Variants in EPS8 observed in about 807,000 individuals in gnomAD.
EPS8 encodes the protein EGFR pathway substrate 8, signaling adaptor, also known as epidermal growth factor receptor kinase substrate 8.
A neutral mutation model predicts 103.8 loss-of-function variants in EPS8; 42 were observed. The ratio of observed to expected loss-of-function variants is 0.40; its 90% confidence interval spans 0.32 to 0.52. EPS8 has a LOEUF of 0.52. Among genes scored for constraint, EPS8 ranks in the 20% least tolerant of loss-of-function variants. EPS8 has a pLI of 0.40. For missense variants in EPS8, 969 were observed against 1,005.1 expected (o/e 0.96, Z 0.49); for synonymous variants, 344 against 344.6 (o/e 1.00, Z 0.02).
intron 17 of EPS8, among the ~76,000 whole-genome samples, chr12:15,635,069 C>T (rs1268375327): frequency 1.3e-5 from 2 of 152,012 alleles, no homozygotes; most frequent in African/African-American, 2.4e-5. Context: ...ATTCCTATTG[C>T]TCATAAAGAA....
rs1241292744 is a variant in EPS8, at chr12:15,751,748, A to G, written c.-22+37413T>C. Among the ~76,000 whole-genome samples, 1 of 151,732 alleles carries G rather than the reference A, an allele frequency of 6.6e-6. No individual in the cohort carries two copies. Among genetic ancestry groups the G allele is most frequent in the Non-Finnish European group, 1.5e-5 (1 of 67,926 alleles). On this transcript the variant is annotated intron_variant, in intron 1 of 20. Transcript: ENST00000281172. This position sits in a 1 kb window ranked among gnomAD's most constrained non-coding sequence, Gnocchi z 4.3. ...GCTCTCTCCTCCCTCCCTCCTCTAT[A>G]CTTTCCCTCCTCCTTAGTATCCTTC...
Position 15,749,420 on chromosome 12 carries a change from A to C in EPS8, c.-22+39741T>G, listed in dbSNP as rs921596295. ...AACATTATTTCTCAAATGCTAAGCA[A>C]AGGGCCTGCACATAATAGAGCTCAA... is the stretch of plus-strand genomic sequence containing the variant. On this transcript the variant is annotated intron_variant, in intron 1 of 20. Coordinates refer to ENST00000281172, the MANE Select transcript of EPS8 (RefSeq NM_004447.6). This position sits in a 1 kb window ranked among gnomAD's most constrained non-coding sequence, Gnocchi z 4.0. 4.6e-5 allele frequency among the ~76,000 whole-genome samples: 7 copies of C among 152,216 alleles called. No homozygotes were observed. Among genetic ancestry groups the C allele is most frequent in the Non-Finnish European group, 7.3e-5 (5 of 68,042 alleles).
intron 18 of EPS8, among the ~76,000 whole-genome samples, chr12:15,628,538 A>G (rs1406955033): frequency 6.6e-6 from 1 of 152,242 alleles, no homozygotes; most frequent in Non-Finnish European, 1.5e-5. Context: ...AAGCAACTAA[A>G]GTTTGGCATC....
intron 1 of EPS8, among the ~76,000 whole-genome samples, chr12:15,743,236 C>T (rs900149169): frequency 1.3e-5 from 2 of 152,152 alleles, no homozygotes; most frequent in African/African-American, 4.8e-5. Context: ...AGGAGAACTA[C>T]AAACCACTAC....
chr12:15,764,805 T>A lies in EPS8; in HGVS notation c.-22+24356A>T, dbSNP rs553512778. 6.6e-6 allele frequency among the ~76,000 whole-genome samples: 1 copy of A among 152,172 alleles called. No individual in the cohort carries two copies. Among genetic ancestry groups the A allele is most frequent in the Non-Finnish European group, 1.5e-5 (1 of 68,022 alleles). On this transcript the variant is annotated intron_variant, in intron 1 of 20. Transcript: ENST00000281172. The surrounding 1 kb of genome is among the most constrained non-coding windows in gnomAD (Gnocchi z 4.1). ...AAGCTCTCATCTTGAGATAAGAACATCAGGTCTCATACTTTCTGGGGAATG... is the reference window on the plus strand; with the variant it reads ...AAGCTCTCATCTTGAGATAAGAACAACAGGTCTCATACTTTCTGGGGAATG...
rs1357413353 is a variant in EPS8, at chr12:15,641,486, G to A, written c.1677+236C>T. 2.0e-5 allele frequency among the ~76,000 whole-genome samples: 3 copies of A among 151,652 alleles called. No individual in the cohort carries two copies. In the East Asian group the frequency reaches 5.8e-4, roughly 29 times the overall value. On this transcript the variant is annotated intron_variant, in intron 16 of 20. Coordinates refer to ENST00000281172, the MANE Select transcript of EPS8 (RefSeq NM_004447.6). Reference sequence around the variant, plus strand: ...GAAAGAGGGCAAGGAAGAGAGCAAAGGAAGTTAAAAAAAAACCCACCCTGC... The same window carrying A: ...GAAAGAGGGCAAGGAAGAGAGCAAAAGAAGTTAAAAAAAAACCCACCCTGC...
chr12:15,763,179 T>C lies in EPS8; in HGVS notation c.-22+25982A>G, dbSNP rs560189632. On this transcript the variant is annotated intron_variant, in intron 1 of 20. Transcript: ENST00000281172. ...TTTAAAATAGATAGGAGTTGCTTGT[T>C]GTTGTTTTTTTTCCTAAGACAGACT... 1.1e-4 allele frequency among the ~76,000 whole-genome samples: 17 copies of C among 152,290 alleles called. No individual in the cohort carries two copies. The East Asian group carries it at 2.9e-3, about 26-fold the overall frequency.
rs765017992 is a variant in EPS8 at position 15,651,020 on chromosome 12, T to G, written c.1251-14A>C. The G allele has an allele frequency of 3.7e-6, 6 of 1,606,408 alleles. No homozygotes were observed. The highest frequency in any genetic ancestry group is 5.1e-6 in the Non-Finnish European group (6 of 1,175,716). On this transcript the variant is annotated splice_polypyrimidine_tract_variant and intron_variant, in intron 13 of 20. Transcript: ENST00000281172. ...GGCCACTCTGCTCTGCAGGAGGGAA[T>G]GAAGGCATATAAACAATAAAATCTA... is the stretch of plus-strand genomic sequence containing the variant.
At chr12:15,756,842 A>G (rs77519208) in intron 1 of EPS8, among the ~76,000 whole-genome samples, 5 of 152,338 alleles carry the variant, frequency 3.3e-5, no homozygotes, top group Non-Finnish European at 5.9e-5. Context: ...AACGTCTAAC[A>G]TAAGAGTGCA....
At chr12:15,709,180 ACCTCTAACC>A (rs1344664746) in intron 1 of EPS8, among the ~76,000 whole-genome samples, 1 of 152,188 alleles carries the variant, frequency 6.6e-6, no homozygotes, top group East Asian at 1.9e-4. Context: ...AGACAAAACC[ACCTCTAACC>A]CATCATAGTA....
chr12:15,650,637 AAC>A (rs1945395733), intron 14 of EPS8, among the ~76,000 whole-genome samples, 184 bp downstream of exon 14: 1 of 152,130 alleles, frequency 6.6e-6, no homozygotes, highest in African/African-American at 2.4e-5. Context: ...TTCACGGAGG[AAC>A]AGAGCAACTG....
chr12:15,628,503 T>C (rs376272555), intron 18 of EPS8, among the ~76,000 whole-genome samples: 19 of 152,218 alleles, frequency 1.2e-4, no homozygotes, highest in African/African-American at 4.6e-4. Context: ...AGGACTACCA[T>C]TTCAAAGGAA....
intron 3 of EPS8, among the ~76,000 whole-genome samples, chr12:15,671,325 T>C (rs1246259190): frequency 1.3e-5 from 2 of 152,140 alleles, no homozygotes; most frequent in Non-Finnish European, 2.9e-5. Flanking sequence ...TTGTCATAGA[T>C]ACTGTATTAT....
intron 1 of EPS8, chr12:15,683,189 T>A: frequency 3.0e-6 from 1 of 338,106 alleles, no homozygotes; most frequent in East Asian, 5.4e-5. Context: ...GCTAAAATTA[T>A]AAGCAGATTT....
In EPS8 at chr12:15,712,836, A is replaced by G; in HGVS notation, c.-21-29864T>C. The G allele has an allele frequency of 1.0e-5, 10 of 983,714 alleles. No homozygotes were observed. The South Asian group carries it at 3.3e-4, about 32-fold the overall frequency. The allele number at this position is 983,714 out of a possible 1,614,324, so 60.9% of individuals were successfully genotyped here. On this transcript the variant is annotated intron_variant, in intron 1 of 20. Transcript: ENST00000281172. ...CTCCTTAGCAAAGAAAATATTAACAAATTCAAACTTACCTACCCACACAGT... is the reference window on the plus strand; with the variant it reads ...CTCCTTAGCAAAGAAAATATTAACAGATTCAAACTTACCTACCCACACAGT...
chr12:15,641,546 A>T (rs1591812142), intron 16 of EPS8, among the ~76,000 whole-genome samples, 176 bp downstream of exon 16: 1 of 152,084 alleles, frequency 6.6e-6, no homozygotes, highest in Non-Finnish European at 1.5e-5. Flanking sequence ...GGAGTATTCT[A>T]AAGCTATCCC....
Position 15,681,295 on chromosome 12 carries a change from C to T in EPS8, c.67G>A (p.Gly23Arg), listed in dbSNP as rs554172126. 36 of 1,383,652 alleles carry T rather than the reference C, an allele frequency of 2.6e-5. No homozygotes were observed. Among genetic ancestry groups the T allele is most frequent in the Middle Eastern group, 4.5e-4 (2 of 4,476 alleles). The allele number at this position is 1,383,652 out of a possible 1,614,324, so 85.7% of individuals were successfully genotyped here. ...GMYPSQMNGY[G>R]SSPTFSQTDR... ...GTCTGGGAAAAGGTAGGTGATGATC[C>T]GTAGCCACTGTAATAATAATAATAA... Residue 23 changes from glycine (G) to arginine (R), a missense_variant, in exon 3 of 21, where the codon GGA becomes AGA. Coordinates refer to ENST00000281172, the MANE Select transcript of EPS8 (RefSeq NM_004447.6).
rs1179430206 is a variant in EPS8 at position 15,714,820 on chromosome 12, A to T, written c.-21-31848T>A. Among the ~76,000 whole-genome samples the T allele has an allele frequency of 6.6e-6, 1 of 152,214 alleles. No homozygotes were observed. The highest frequency in any genetic ancestry group is 2.4e-5 in the African/African-American group (1 of 41,450). ...GCATCACTATAAATAGAATTTTTAA[A>T]ATGTATTTAGAAAAGCAATAGTCAA... is the stretch of plus-strand genomic sequence containing the variant. On this transcript the variant is annotated intron_variant, in intron 1 of 20. Transcript: ENST00000281172. The surrounding 1 kb of genome is among the most constrained non-coding windows in gnomAD (Gnocchi z 4.1).
chr12:15,679,707 C>T (rs1223824427), intron 3 of EPS8, among the ~76,000 whole-genome samples: 1 of 152,146 alleles, frequency 6.6e-6, no homozygotes, highest in Non-Finnish European at 1.5e-5. Context: ...CACATTTAGC[C>T]CTTTATTATA....
Sources: gnomAD v4.1 joint callset for allele counts (sites outside exome capture counted in the v4.1 genomes callset) on GRCh38, gnomAD v4.1.1 for gene constraint, Gnocchi (gnomAD v3.1) non-coding constraint, MANE v1.5 for transcripts, NCBI Gene and HGNC (gene_info 2026-07-23, HGNC 2026-07-21) for gene names.